The following ACYP2 variants were observed in gnomAD, a reference collection of about 807,000 sequenced individuals.
ACYP2 encodes the protein acylphosphatase-2.
ACYP2 carries 12 observed loss-of-function variants against 11.2 expected under a neutral mutation model. The observed-to-expected ratio is 1.08, with a 90% confidence interval of 0.69 to 1.74. The LOEUF (loss-of-function observed/expected upper bound fraction) is 1.74, where lower values mean the gene tolerates loss of function less well. Ranked by LOEUF, ACYP2 falls within the 40% of genes most tolerant of loss-of-function variation. The pLI is 0.00. For missense variants in ACYP2, 134 were observed against 101.9 expected (o/e 1.31, Z -1.35); for synonymous variants, 43 against 32.2 (o/e 1.33, Z -1.13).
chr2:54,051,539 A>G, intron 3 of ACYP2: 4 of 734,162 alleles, frequency 5.4e-6, no homozygotes, highest in Non-Finnish European at 1.0e-5. Flanking sequence ...TTGCCCAAAA[A>G]TAAAAGGAGA....
At chr2:53,985,906 T>C (rs1672013456) in intron 2 of ACYP2, among the ~76,000 whole-genome samples, 1 of 151,878 alleles carries the variant, frequency 6.6e-6, no homozygotes, top group Admixed American at 6.6e-5. Context: ...GAAGCCGAGG[T>C]GGGAGGAGTA....
At chr2:54,204,680 C>A (rs568559693) in intron 6 of ACYP2, among the ~76,000 whole-genome samples, 1 of 152,298 alleles carries the variant, frequency 6.6e-6, no homozygotes, top group Admixed American at 6.5e-5. Context: ...AACTGCCTGG[C>A]ATTCGGTGAG....
At chr2:54,090,396 C>T (rs1328438115) in intron 4 of ACYP2, among the ~76,000 whole-genome samples, 1 of 151,968 alleles carries the variant, frequency 6.6e-6, no homozygotes, top group Non-Finnish European at 1.5e-5. Flanking sequence ...TTTGGGAGGC[C>T]GAGGTGGGCA....
intron 2 of ACYP2, chr2:53,975,223 CAAA>C (rs11437709): frequency 1.2e-4 from 39 of 333,318 alleles, no homozygotes; most frequent in Middle Eastern, 7.1e-4. Flanking sequence ...GACTCTGTCT[CAAA>C]AAAAAAAAAA....
intron 6 of ACYP2, among the ~76,000 whole-genome samples, chr2:54,166,152 G>A (rs956893053): frequency 1.3e-5 from 2 of 152,182 alleles, no homozygotes; most frequent in Non-Finnish European, 2.9e-5. Flanking sequence ...GGAAACCAAA[G>A]TGTGTGCGCT....
chr2:54,158,261 C>T (rs949418450), intron 6 of ACYP2, among the ~76,000 whole-genome samples: 1 of 150,890 alleles, frequency 6.6e-6, no homozygotes, highest in Non-Finnish European at 1.5e-5. Flanking sequence ...AGCCTGGTCA[C>T]GAATTCCTGA....
chr2:54,267,350 C>T, intron 6 of ACYP2: 1 of 1,548,038 alleles, frequency 6.5e-7, no homozygotes, highest in East Asian at 2.4e-5. Context: ...AGGGCAACAG[C>T]TAGAGGAGAA....
intron 6 of ACYP2, among the ~76,000 whole-genome samples, chr2:54,203,856 T>C (rs1355316220): frequency 6.6e-6 from 1 of 152,142 alleles, no homozygotes; most frequent in Non-Finnish European, 1.5e-5. Context: ...TGCTTATAAA[T>C]ATAAAATTTC....
At chr2:54,004,980 G>T (rs12104762) in intron 2 of ACYP2, among the ~76,000 whole-genome samples, 98 of 151,112 alleles carry the variant, frequency 6.5e-4, no homozygotes, top group African/African-American at 2.3e-3. Flanking sequence ...TCTTCTATCA[G>T]ACATGTCTTT....
At chr2:54,174,099 T>C (rs923451267) in intron 6 of ACYP2, among the ~76,000 whole-genome samples, 9 of 152,218 alleles carry the variant, frequency 5.9e-5, no homozygotes, top group African/African-American at 2.2e-4. Context: ...GGAGATGGCA[T>C]TGAATCTATA....
At chr2:54,223,579 G>C (rs1384555941) in intron 6 of ACYP2, among the ~76,000 whole-genome samples, 1 of 152,126 alleles carries the variant, frequency 6.6e-6, no homozygotes, top group African/African-American at 2.4e-5. Flanking sequence ...CTACAACACT[G>C]TGTTGGAAAT....
intron 6 of ACYP2, chr2:54,256,181 G>A (rs753337952): frequency 1.1e-4 from 170 of 1,589,448 alleles, no homozygotes; most frequent in Non-Finnish European, 1.4e-4. Flanking sequence ...GCAGTGGGTA[G>A]AGGCCAGGCC....
At chr2:54,129,695 T>C (rs1476694178) in intron 4 of ACYP2, among the ~76,000 whole-genome samples, 2 of 149,924 alleles carry the variant, frequency 1.3e-5, no homozygotes, top group African/African-American at 4.9e-5. Flanking sequence ...TCATTATATA[T>C]TATCACTGTG....
chr2:54,255,067 G>A, intron 6 of ACYP2: 1 of 1,614,118 alleles, frequency 6.2e-7, no homozygotes, highest in Non-Finnish European at 8.5e-7. Context: ...AATCCTGTCG[G>A]ACTCTGGAAG....
At chr2:53,995,776 A>T (rs1224503471) in intron 2 of ACYP2, among the ~76,000 whole-genome samples, 1 of 152,096 alleles carries the variant, frequency 6.6e-6, no homozygotes, top group African/African-American at 2.4e-5. Context: ...TTTTTTACTT[A>T]TGTAAATTTT....
intron 6 of ACYP2, among the ~76,000 whole-genome samples, chr2:54,233,409 G>C (rs1247683488): frequency 2.0e-5 from 3 of 150,198 alleles, no homozygotes; most frequent in Non-Finnish European, 4.4e-5. Flanking sequence ...TGATTCTCCA[G>C]CTTTAGCCTC....
intron 2 of ACYP2, among the ~76,000 whole-genome samples, chr2:53,992,134 T>C (rs999317009): frequency 2.0e-5 from 3 of 150,264 alleles, no homozygotes; most frequent in African/African-American, 4.9e-5. Context: ...CTTCCTTCTT[T>C]CTTCCTTCCT....
intron 6 of ACYP2, among the ~76,000 whole-genome samples, chr2:54,252,954 C>G (rs1687298778): frequency 6.6e-6 from 1 of 151,944 alleles, no homozygotes; most frequent in Non-Finnish European, 1.5e-5. Flanking sequence ...ACAAAACAAT[C>G]TCACAAGCAC....
chr2:54,256,160 C>A (rs1308888817), intron 6 of ACYP2: 1 of 1,605,392 alleles, frequency 6.2e-7, no homozygotes. Flanking sequence ...ATGTTGGTAG[C>A]GGCCAGGGCA....
Sources: gnomAD v4.1 joint callset for allele counts (sites outside exome capture counted in the v4.1 genomes callset) on GRCh38, gnomAD v4.1.1 for gene constraint, MANE v1.5 for transcripts, NCBI Gene and HGNC (gene_info 2026-07-23, HGNC 2026-07-21) for gene names.